The following ADAMTS2 variants were observed in gnomAD, a reference collection of about 807,000 sequenced individuals.
The protein encoded by ADAMTS2 is A disintegrin and metalloproteinase with thrombospondin motifs 2.
A neutral mutation model predicts 123.0 loss-of-function variants in ADAMTS2; 50 were observed. The ratio of observed to expected loss-of-function variants is 0.41; its 90% CI spans 0.32 to 0.51. The LOEUF (loss-of-function observed/expected upper bound fraction) is 0.51, where lower values mean the gene tolerates loss of function less well. ADAMTS2 is among the 20% of genes least tolerant of loss of function. The probability of loss-of-function intolerance (pLI) is 0.35; values close to 1 mark genes in which losing one functional copy is unlikely to be tolerated. For missense variants in ADAMTS2, 1,494 were observed against 1,705.2 expected (o/e 0.88, Z 2.18); for synonymous variants, 678 against 695.4 (o/e 0.98, Z 0.39).
chr5:179,303,302 C>A lies in ADAMTS2; in HGVS notation c.535-30238G>T, dbSNP rs1756582404. 6.6e-6 allele frequency among the ~76,000 whole-genome samples: 1 copy of A among 152,200 alleles called. No individual in the cohort carries two copies. On this transcript the variant is annotated intron_variant, in intron 2 of 21. Transcript: ENST00000251582. This position sits in a 1 kb window ranked among gnomAD's most constrained non-coding sequence, Gnocchi z 4.7. ...ATAGAGAGGTCCCTAGGAGAAGGTT[C>A]AGGTTCCAGTAGGATGGTGTGAGCA...
intron 9 of ADAMTS2, 35 bp downstream of exon 9, chr5:179,153,456 C>T: frequency 1.9e-6 from 3 of 1,603,148 alleles, no homozygotes; most frequent in African/African-American, 1.3e-5. Flanking sequence ...CCCCCCAGAC[C>T]TGGGAGGGTC....
intron 3 of ADAMTS2, among the ~76,000 whole-genome samples, chr5:179,236,592 A>G (rs559299801): frequency 6.6e-6 from 1 of 152,322 alleles, no homozygotes; most frequent in East Asian, 1.9e-4. Context: ...AGAATTCAAG[A>G]GCAGCCTGGG....
At chr5:179,335,488 C>T (rs1485631227) in intron 2 of ADAMTS2, among the ~76,000 whole-genome samples, 1 of 152,148 alleles carries the variant, frequency 6.6e-6, no homozygotes, top group Non-Finnish European at 1.5e-5. Flanking sequence ...GTACTTAATA[C>T]TTTGACTATT....
At chr5:179,240,090 G>A (rs537009082) in intron 3 of ADAMTS2, among the ~76,000 whole-genome samples, 1 of 152,194 alleles carries the variant, frequency 6.6e-6, no homozygotes, top group African/African-American at 2.4e-5. Context: ...GTAGGTGACA[G>A]ACGAGGGAAG....
At chr5:179,266,566 C>T (rs1766377485) in intron 3 of ADAMTS2, among the ~76,000 whole-genome samples, 1 of 152,210 alleles carries the variant, frequency 6.6e-6, no homozygotes, top group Admixed American at 6.5e-5. Flanking sequence ...CCCCTAAAAT[C>T]CTATTTCAGA....
chr5:179,124,770 C>T (rs1056484700), intron 19 of ADAMTS2, among the ~76,000 whole-genome samples: 1 of 151,998 alleles, frequency 6.6e-6, no homozygotes, highest in Non-Finnish European at 1.5e-5. Context: ...TACCTGGGAC[C>T]AGGGCCCGGC....
At chr5:179,275,764 A>G (rs2113518850) in intron 2 of ADAMTS2, among the ~76,000 whole-genome samples, 1 of 152,354 alleles carries the variant, frequency 6.6e-6, no homozygotes, top group Admixed American at 6.5e-5. Context: ...GGGTCAGGTT[A>G]TACCGACTTC....
In ADAMTS2 at chr5:179,303,850, C is replaced by A. The variant is rs1756599198; in HGVS notation, c.535-30786G>T. Among the ~76,000 whole-genome samples, 1 of 152,114 alleles carries A rather than the reference C, an allele frequency of 6.6e-6. No individual in the cohort carries two copies. The highest frequency in any genetic ancestry group is 6.5e-5 in the Admixed American group (1 of 15,280). Reference sequence around the variant, plus strand: ...TGCAAGACAGCAGGGTCAATAAAGCCCCAGCTTTCTGGCCAGAGAGATTTA... The same window carrying A: ...TGCAAGACAGCAGGGTCAATAAAGCACCAGCTTTCTGGCCAGAGAGATTTA... On this transcript the variant is annotated intron_variant, in intron 2 of 21. Transcript: ENST00000251582. The surrounding 1 kb of genome is among the most constrained non-coding windows in gnomAD (Gnocchi z 4.7).
chr5:179,111,681 C>T lies in ADAMTS2; in HGVS notation c.*2186G>A, dbSNP rs1201600701. 6.6e-6 allele frequency: 1 copy of T among 152,282 alleles called. No homozygotes were observed. Among genetic ancestry groups the T allele is most frequent in the African/African-American group, 2.4e-5 (1 of 41,466 alleles). The allele number at this position is 152,282 out of a possible 1,614,324, so 9.4% of individuals were successfully genotyped here. A position where few individuals can be genotyped will look rare whatever the true frequency, so the allele number is the denominator to read the frequency against. On this transcript the variant is annotated 3_prime_UTR_variant, in exon 22 of 22. Coordinates refer to ENST00000251582, the MANE Select transcript of ADAMTS2 (RefSeq NM_014244.5). The stretch of plus-strand genomic sequence containing the variant: ...GAATGGAGTGTTCCCATCCAGAGGC[C>T]CCTAGGCTGGGTAAACCGAGTCATA...
At chr5:179,187,974 C>T (rs1216441278) in intron 4 of ADAMTS2, among the ~76,000 whole-genome samples, 2 of 152,054 alleles carry the variant, frequency 1.3e-5, no homozygotes, top group Non-Finnish European at 2.9e-5. Context: ...GATGGTGAGC[C>T]CTGGGAGGTG....
rs1240256797 is a variant in ADAMTS2, at chr5:179,118,749, C to G, written c.3178+2912G>C. On this transcript the variant is annotated intron_variant, in intron 21 of 21. Transcript: ENST00000251582. The surrounding 1 kb of genome is among the most constrained non-coding windows in gnomAD (Gnocchi z 4.5). The stretch of plus-strand genomic sequence containing the variant: ...TAACTCATCAAATTCTAGAGAGAGA[C>G]TCCTGCCTGCCAAGCTCTGAGCTGA... 6.6e-6 allele frequency among the ~76,000 whole-genome samples: 1 copy of G among 152,178 alleles called. No homozygotes were observed. The highest frequency in any genetic ancestry group is 1.5e-5 in the Non-Finnish European group (1 of 68,028).
chr5:179,286,881 G>C (rs1440206286), intron 2 of ADAMTS2, among the ~76,000 whole-genome samples: 1 of 152,170 alleles, frequency 6.6e-6, no homozygotes, highest in African/African-American at 2.4e-5. Context: ...CCGTCCCCCT[G>C]TGTGTACTTC....
chr5:179,336,151 C>T (rs1757605831), intron 2 of ADAMTS2, among the ~76,000 whole-genome samples: 1 of 152,224 alleles, frequency 6.6e-6, no homozygotes, highest in Non-Finnish European at 1.5e-5. Flanking sequence ...ACTGAGGATG[C>T]AATCGGCGGG....
At chr5:179,200,354 T>C (rs1442622207) in intron 4 of ADAMTS2, among the ~76,000 whole-genome samples, 2 of 148,396 alleles carry the variant, frequency 1.3e-5, no homozygotes, top group African/African-American at 5.0e-5. Context: ...GTTCAAGCCA[T>C]TCTCCTGCCT....
chr5:179,161,584 G>A (rs940335031), intron 5 of ADAMTS2, among the ~76,000 whole-genome samples: 25 of 152,284 alleles, frequency 1.6e-4, no homozygotes, highest in African/African-American at 4.3e-4. Context: ...CCAAAAGTGC[G>A]GCAAGATGGG....
intron 5 of ADAMTS2, among the ~76,000 whole-genome samples, chr5:179,173,224 A>T (rs200390465): frequency 1.7e-5 from 1 of 57,994 alleles, no homozygotes; most frequent in Admixed American, 2.8e-4. Flanking sequence ...AATAATAATA[A>T]TAATAATAAT....
rs1254988896 is a variant in ADAMTS2 at position 179,262,957 on chromosome 5, C to G, written c.688+9954G>C. Reference sequence around the variant, plus strand: ...GGTGCCCTCTCTGAGCCTCAGTCTCCCCCTAAGCAGTAGAGCTGCTAATGC... The same window carrying G: ...GGTGCCCTCTCTGAGCCTCAGTCTCGCCCTAAGCAGTAGAGCTGCTAATGC... On this transcript the variant is annotated intron_variant, in intron 3 of 21. Transcript: ENST00000251582. This position sits in a 1 kb window ranked among gnomAD's most constrained non-coding sequence, Gnocchi z 5.9. Among the ~76,000 whole-genome samples the G allele has an allele frequency of 6.6e-6, 1 of 152,226 alleles. No homozygotes were observed. Among genetic ancestry groups the G allele is most frequent in the Non-Finnish European group, 1.5e-5 (1 of 68,044 alleles).
At chr5:179,240,707 A>G (rs1262233574) in intron 3 of ADAMTS2, among the ~76,000 whole-genome samples, 1 of 152,324 alleles carries the variant, frequency 6.6e-6, no homozygotes, top group East Asian at 1.9e-4. Flanking sequence ...AGTTCCCGTG[A>G]CGCGTGTCAG....
rs547055369 is a variant in ADAMTS2 at position 179,329,145 on chromosome 5, G to A, written c.534+14622C>T. 3.4e-4 allele frequency among the ~76,000 whole-genome samples: 51 copies of A among 151,898 alleles called. 1 individual carries two copies. In the South Asian group the frequency reaches 1.0e-2, roughly 30 times the overall value. ...GATGGAGACCATCCTGGCTAACACGGTGAAACCCCGTCTCTACTAAAAATA... is the reference window on the plus strand; with the variant it reads ...GATGGAGACCATCCTGGCTAACACGATGAAACCCCGTCTCTACTAAAAATA... On this transcript the variant is annotated intron_variant, in intron 2 of 21. Transcript: ENST00000251582.
Sources: allele counts gnomAD v4.1 joint callset (sites outside exome capture counted in the v4.1 genomes callset), GRCh38; gene constraint gnomAD v4.1.1; non-coding constraint Gnocchi (gnomAD v3.1); transcripts MANE v1.5; gene names NCBI Gene and HGNC (gene_info 2026-07-23, HGNC 2026-07-21).